UBE2E2: variants seen among roughly 807,000 people sequenced by gnomAD.
UBE2E2 encodes the protein ubiquitin conjugating enzyme E2 E2, also known as ubiquitin-conjugating enzyme E2 E2.
UBE2E2 carries 6 observed loss-of-function variants against 24.7 expected under a neutral mutation model. The observed-to-expected ratio is 0.24, with a 90% CI of 0.13 to 0.48. The LOEUF is 0.48. Among genes scored for constraint, UBE2E2 ranks in the 20% least tolerant of loss-of-function variants. UBE2E2 has a pLI of 0.99. For synonymous variants in UBE2E2, 104 were observed against 83.6 expected (o/e 1.24, Z -1.33); for missense variants, 169 against 245.0 (o/e 0.69, Z 2.07).
rs367599319 is a variant in UBE2E2 at position 23,528,387 on chromosome 3, G to A, written c.361-4167G>A. Among the ~76,000 whole-genome samples the A allele has an allele frequency of 2.0e-3, 298 of 152,290 alleles. 1 individual carries two copies. Among genetic ancestry groups the A allele is most frequent in the African/African-American group, 7.0e-3 (290 of 41,550 alleles). Reference sequence around the variant, plus strand: ...AGAATTCATTGAAGGAAAATACAGAGTAGGGAGTTTATCTAGAGAGACAGT... The same window carrying A: ...AGAATTCATTGAAGGAAAATACAGAATAGGGAGTTTATCTAGAGAGACAGT... On this transcript the variant is annotated intron_variant, in intron 4 of 5. Transcript: ENST00000396703.
intron 3 of UBE2E2, among the ~76,000 whole-genome samples, chr3:23,273,297 T>C (rs1484892482): frequency 6.6e-6 from 1 of 152,118 alleles, no homozygotes; most frequent in Non-Finnish European, 1.5e-5. Context: ...CCCAGCACTT[T>C]GGGAGGCCGA....
At chr3:23,372,363 A>G (rs1696419200) in intron 3 of UBE2E2, among the ~76,000 whole-genome samples, 1 of 152,164 alleles carries the variant, frequency 6.6e-6, no homozygotes, top group African/African-American at 2.4e-5. Context: ...CCACTGGAAG[A>G]AAAACTAGCC....
At chr3:23,292,708 G>A (rs2125250080) in intron 3 of UBE2E2, among the ~76,000 whole-genome samples, 1 of 152,316 alleles carries the variant, frequency 6.6e-6, no homozygotes, top group African/African-American at 2.4e-5. Flanking sequence ...GCCACTTAAT[G>A]CCTGTGTGGC....
intron 5 of UBE2E2, among the ~76,000 whole-genome samples, chr3:23,534,683 T>A (rs1294562999): frequency 6.6e-6 from 1 of 152,200 alleles, no homozygotes. Context: ...AATGGACTTA[T>A]TTCACACTGT....
At chr3:23,551,598 T>C (rs573580787) in intron 5 of UBE2E2, among the ~76,000 whole-genome samples, 53 of 152,224 alleles carry the variant, frequency 3.5e-4, no homozygotes, top group Non-Finnish European at 5.3e-4. Context: ...AAACAATATG[T>C]TGCCTCATTG....
chr3:23,297,949 C>T (rs1447116177), intron 3 of UBE2E2, among the ~76,000 whole-genome samples: 1 of 151,674 alleles, frequency 6.6e-6, no homozygotes, highest in Non-Finnish European at 1.5e-5. Context: ...TCTTTGTATC[C>T]TCTTTTATTT....
intron 3 of UBE2E2, among the ~76,000 whole-genome samples, chr3:23,291,952 G>T (rs1014555183): frequency 2.1e-5 from 3 of 142,406 alleles, no homozygotes; most frequent in Non-Finnish European, 4.5e-5. Flanking sequence ...TCCACCTCCT[G>T]GGTTCATGCC....
chr3:23,464,183 A>C (rs533289616), intron 3 of UBE2E2, among the ~76,000 whole-genome samples: 1 of 152,302 alleles, frequency 6.6e-6, no homozygotes, highest in Admixed American at 6.5e-5. Context: ...CTGACCCCCG[A>C]AATCAACAGT....
intron 3 of UBE2E2, among the ~76,000 whole-genome samples, chr3:23,295,237 T>C (rs1698878523): frequency 6.6e-6 from 1 of 152,088 alleles, no homozygotes; most frequent in Non-Finnish European, 1.5e-5. Flanking sequence ...TCTCCCTTGA[T>C]TTTTGGAGCA....
At chr3:23,325,855 T>C (rs940369258) in intron 3 of UBE2E2, among the ~76,000 whole-genome samples, 1 of 152,218 alleles carries the variant, frequency 6.6e-6, no homozygotes, top group East Asian at 1.9e-4. Context: ...AAATTATCAA[T>C]ATCACCCTTT....
At chr3:23,403,787 G>A (rs1411331243) in intron 3 of UBE2E2, among the ~76,000 whole-genome samples, 2 of 131,850 alleles carry the variant, frequency 1.5e-5, no homozygotes, top group South Asian at 2.4e-4. Flanking sequence ...TTGCCTGGGC[G>A]ACAAAGTGAG....
intron 3 of UBE2E2, among the ~76,000 whole-genome samples, chr3:23,247,878 G>T (rs1697456244): frequency 6.6e-6 from 1 of 152,086 alleles, no homozygotes; most frequent in Non-Finnish European, 1.5e-5. Flanking sequence ...AAATTCATTT[G>T]TGGTTCTCCA....
chr3:23,460,200 T>C (rs1022110880), intron 3 of UBE2E2, among the ~76,000 whole-genome samples: 1 of 152,220 alleles, frequency 6.6e-6, no homozygotes, highest in Non-Finnish European at 1.5e-5. Context: ...TGGCACAGAA[T>C]TGGAGTTAGT....
intron 3 of UBE2E2, among the ~76,000 whole-genome samples, chr3:23,334,558 A>T (rs1205223312): frequency 6.6e-6 from 1 of 152,208 alleles, no homozygotes; most frequent in Non-Finnish European, 1.5e-5. Context: ...AAGAAATTAT[A>T]ACTATAATTT....
chr3:23,252,043 G>T (rs949545431), intron 3 of UBE2E2, among the ~76,000 whole-genome samples: 2 of 152,130 alleles, frequency 1.3e-5, no homozygotes, highest in African/African-American at 4.8e-5. Flanking sequence ...TTATATTTTT[G>T]ATTGTAGTAA....
At chr3:23,444,451 C>T (rs763422534) in intron 3 of UBE2E2, among the ~76,000 whole-genome samples, 6 of 152,136 alleles carry the variant, frequency 3.9e-5, no homozygotes, top group African/African-American at 7.2e-5. Context: ...AAACAATCAC[C>T]CCTTAACCCC....
intron 3 of UBE2E2, among the ~76,000 whole-genome samples, chr3:23,355,092 A>C (rs960079365): frequency 6.6e-6 from 1 of 152,030 alleles, no homozygotes; most frequent in Non-Finnish European, 1.5e-5. Context: ...ACATGGATGA[A>C]ATTGGAAATC....
chr3:23,262,085 C>G (rs1275321424), intron 3 of UBE2E2, among the ~76,000 whole-genome samples: 2 of 152,170 alleles, frequency 1.3e-5, no homozygotes, highest in Admixed American at 6.5e-5. Flanking sequence ...ACATTCCCCA[C>G]AAGAATTGCA....
intron 3 of UBE2E2, among the ~76,000 whole-genome samples, chr3:23,345,763 T>C (rs1276886002): frequency 1.3e-5 from 2 of 152,256 alleles, no homozygotes; most frequent in African/African-American, 4.8e-5. Flanking sequence ...CAAAATATTC[T>C]TCACAGTCCT....
Sources: gnomAD v4.1 joint callset for allele counts (sites outside exome capture counted in the v4.1 genomes callset) on GRCh38, gnomAD v4.1.1 for gene constraint, MANE v1.5 for transcripts, NCBI Gene and HGNC (gene_info 2026-07-23, HGNC 2026-07-21) for gene names.